TCTN3: variants seen among roughly 807,000 people sequenced by gnomAD.
TCTN3 encodes the protein tectonic-3.
A neutral mutation model predicts 71.3 loss-of-function variants in TCTN3; 57 were observed. The observed-to-expected ratio is 0.80, with a 90% confidence interval of 0.65 to 1.00. The LOEUF (loss-of-function observed/expected upper bound fraction) is 1.00. TCTN3 is among the 50% of genes least tolerant of loss of function. The probability of loss-of-function intolerance (pLI) is 0.00; values close to 1 mark genes in which losing one functional copy is unlikely to be tolerated. For missense variants in TCTN3, 696 were observed against 719.9 expected (o/e 0.97, Z 0.38); for synonymous variants, 258 against 267.8 (o/e 0.96, Z 0.36).
At chr10:95,690,838 T>C (rs908235106) in intron 3 of TCTN3, among the ~76,000 whole-genome samples, 74 of 151,510 alleles carry the variant, frequency 4.9e-4, no homozygotes, top group Admixed American at 1.5e-3. Context: ...GTAGATGCTA[T>C]GTGTGTATAT....
intron 13 of TCTN3, among the ~76,000 whole-genome samples, chr10:95,676,601 T>G (rs1214386666): frequency 2.6e-5 from 4 of 152,206 alleles, no homozygotes; most frequent in Non-Finnish European, 5.9e-5. Context: ...TTTGTGTCTA[T>G]TTTATGTACA....
intron 13 of TCTN3, among the ~76,000 whole-genome samples, chr10:95,670,854 G>C (rs1289293807): frequency 6.6e-6 from 1 of 151,750 alleles, no homozygotes; most frequent in Non-Finnish European, 1.5e-5. Context: ...GTAGAGATGG[G>C]GTCTCACTAT....
At chr10:95,668,838 G>C (rs1336304342) in intron 13 of TCTN3, among the ~76,000 whole-genome samples, 1 of 152,172 alleles carries the variant, frequency 6.6e-6, no homozygotes, top group Admixed American at 6.5e-5. Context: ...GGGTTATGGA[G>C]GTCTCCATGA....
At chr10:95,677,483 G>GTTTTTTTTTTT (rs1223582407) in intron 13 of TCTN3, among the ~76,000 whole-genome samples, 3 of 62,036 alleles carry the variant, frequency 4.8e-5, no homozygotes, top group East Asian at 2.6e-4. Flanking sequence ...AGTTTTTTTT[G>GTTTTTTTTTTT]TTTTTTTTTT....
At chr10:95,668,424 A>C (rs2097927761) in intron 13 of TCTN3, among the ~76,000 whole-genome samples, 1 of 152,146 alleles carries the variant, frequency 6.6e-6, no homozygotes, top group South Asian at 2.1e-4. Context: ...TCAGACTATT[A>C]AGAATAAAAA....
chr10:95,693,256 G>T, intron 2 of TCTN3, 97 bp downstream of exon 2: 1 of 1,503,588 alleles, frequency 6.7e-7, no homozygotes, highest in Non-Finnish European at 8.9e-7. Flanking sequence ...GTGGAAGTAC[G>T]GGTGGGAGGC....
In TCTN3 at chr10:95,693,848, CG is replaced by C; in HGVS notation, c.51del (p.Asp18MetfsTer54). 1 of 1,551,672 alleles carries C rather than the reference CG, an allele frequency of 6.4e-7. No homozygotes were observed. The highest frequency in any genetic ancestry group is 2.4e-5 in the East Asian group (1 of 40,918). On this transcript the variant is annotated frameshift_variant, in exon 1 of 14. Coordinates refer to ENST00000371217, the MANE Select transcript of TCTN3 (RefSeq NM_015631.6). LOFTEE classifies it high-confidence loss of function. ...GAAGAGGGCTGAGGCCGGACGCCAT[CG>C]GGGAACACCAGAAAGAACACTTGCA... is the stretch of plus-strand genomic sequence containing the variant. ...ALLQVFFLVF[P>X]DGVRPQPSSS...
intron 13 of TCTN3, among the ~76,000 whole-genome samples, chr10:95,670,538 T>A (rs11188425): frequency 0.64 from 96,092 of 150,732 alleles, 30,654 homozygotes; most frequent in East Asian, 0.74. Context: ...TTTTGTATAT[T>A]TTTTTTTTTA....
chr10:95,690,942 A>G (rs2139758712), intron 3 of TCTN3, among the ~76,000 whole-genome samples: 1 of 152,300 alleles, frequency 6.6e-6, no homozygotes, highest in East Asian at 1.9e-4. Context: ...TTCAGGAAAA[A>G]GTTCATTGAT....
intron 1 of TCTN3, 21 bp downstream of exon 1, chr10:95,693,623 C>T (rs2097955797): frequency 6.5e-7 from 1 of 1,548,212 alleles, no homozygotes; most frequent in Non-Finnish European, 8.7e-7. Flanking sequence ...AAGTTTCCAC[C>T]CCCACAACGT....
intron 8 of TCTN3, 115 bp downstream of exon 8, chr10:95,685,441 T>C: frequency 1.3e-6 from 1 of 743,790 alleles, no homozygotes; most frequent in Non-Finnish European, 2.1e-6. Flanking sequence ...CCAACATTGT[T>C]AGAGAATGCA....
chr10:95,686,435 C>T, intron 7 of TCTN3, 60 bp downstream of exon 7: 1 of 1,549,574 alleles, frequency 6.5e-7, no homozygotes, highest in Non-Finnish European at 8.9e-7. Context: ...ACTAAAATTG[C>T]CTCAGATGCA....
chr10:95,678,315 T>C (rs2097939423), intron 13 of TCTN3, among the ~76,000 whole-genome samples: 1 of 152,084 alleles, frequency 6.6e-6, no homozygotes, highest in Non-Finnish European at 1.5e-5. Context: ...GTGGATCACC[T>C]GAGGTCAGGA....
Position 95,680,504 on chromosome 10 carries a change from C to T in TCTN3, c.1558G>A (p.Val520Ile), listed in dbSNP as rs766507489. The change falls in exon 13 of 14, where the codon GTT becomes ATT. Residue 520 changes from valine to isoleucine, a missense_variant. Val to Ile is a conservative substitution (Grantham distance 29). Transcript: ENST00000371217. ...GACTGGCACTGGTATAGGAATCGAA[C>T]TCCTGATACATGAGCTTGCGGGTTG... Reference protein sequence around the residue: ...LSNPQAHVSGVRFLYQCQSIQ... With the variant: ...LSNPQAHVSGIRFLYQCQSIQ... The T allele has an allele frequency of 1.9e-6, 3 of 1,614,132 alleles. 1 individual carries two copies. The South Asian group carries it at 3.3e-5, about 18-fold the overall frequency.
At position 95,680,559 on chromosome 10, in the gene TCTN3, C is replaced by T. The variant is rs751864135; in HGVS notation, c.1503G>A (p.Gln501=). ...CCLIPVSLEI[Q]VLWAYVGLLS... ...GGAGACCTACATATGCCCACAATAC[C>T]TGGATCTCCAGGGAAACTGGTATGA... The change falls in exon 13 of 14, where the codon CAG becomes CAA. Residue 501 remains glutamine (Q), a synonymous_variant. Coordinates refer to ENST00000371217, the MANE Select transcript of TCTN3 (RefSeq NM_015631.6). The T allele has an allele frequency of 8.1e-6, 13 of 1,614,122 alleles. No individual in the cohort carries two copies. The highest frequency in any genetic ancestry group is 1.1e-5 in the South Asian group (1 of 91,084).
intron 13 of TCTN3, among the ~76,000 whole-genome samples, chr10:95,677,242 G>A (rs2097937978): frequency 6.6e-6 from 1 of 152,030 alleles, no homozygotes; most frequent in Non-Finnish European, 1.5e-5. Flanking sequence ...GACATATGAT[G>A]TGTTTTATTA....
chr10:95,665,944 G>GT (rs58866795), intron 13 of TCTN3, among the ~76,000 whole-genome samples: 51 of 143,076 alleles, frequency 3.6e-4, no homozygotes, highest in East Asian at 1.0e-3. Context: ...TAATTCTGTA[G>GT]TTTTTTTTTT....
chr10:95,669,396 T>C (rs992481588), intron 13 of TCTN3, among the ~76,000 whole-genome samples: 1 of 152,220 alleles, frequency 6.6e-6, no homozygotes, highest in Non-Finnish European at 1.5e-5. Flanking sequence ...AAATAACACA[T>C]GGATCCTTGA....
intron 13 of TCTN3, among the ~76,000 whole-genome samples, chr10:95,675,443 TA>T (rs969231977): frequency 2.0e-5 from 3 of 151,894 alleles, no homozygotes; most frequent in Non-Finnish European, 2.9e-5. Flanking sequence ...AAAGTTCTTT[TA>T]AAAAAAAGGT....
Sources: gnomAD v4.1 joint callset for allele counts (sites outside exome capture counted in the v4.1 genomes callset) on GRCh38, gnomAD v4.1.1 for gene constraint, MANE v1.5 for transcripts, NCBI Gene and HGNC (gene_info 2026-07-23, HGNC 2026-07-21) for gene names.